Variants in SPCS3 observed in about 807,000 individuals in gnomAD.
SPCS3 encodes SPase 22 kDa subunit.
A neutral mutation model predicts 17.2 loss-of-function variants in SPCS3; 9 were observed. The observed-to-expected ratio is 0.52, with a 90% CI of 0.31 to 0.91. The LOEUF is 0.91. Ranked by LOEUF, SPCS3 falls within the 40% of genes least tolerant of loss-of-function variation. The probability of loss-of-function intolerance (pLI) is 0.04; values close to 1 mark genes in which losing one functional copy is unlikely to be tolerated. For missense variants in SPCS3, 139 were observed against 217.5 expected, an observed-to-expected ratio of 0.64 and a Z score of 2.27; for synonymous variants, 87 against 89.6, an observed-to-expected ratio of 0.97 and a Z score of 0.16.
chr4:176,323,566 T>C (rs1731565455), intron 2 of SPCS3, among the ~76,000 whole-genome samples: 1 of 152,146 alleles, frequency 6.6e-6, no homozygotes, highest in Non-Finnish European at 1.5e-5. Flanking sequence ...ATCCAAATAT[T>C]AACTCCGCTT....
At chr4:176,326,069 G>T (rs2127001499) in intron 3 of SPCS3, among the ~76,000 whole-genome samples, 1 of 152,264 alleles carries the variant, frequency 6.6e-6, no homozygotes, top group East Asian at 1.9e-4. Context: ...GGAGGCTGAG[G>T]CAGGTGGACC....
intron 3 of SPCS3, among the ~76,000 whole-genome samples, chr4:176,325,176 C>T (rs1309291550): frequency 6.6e-6 from 1 of 151,662 alleles, no homozygotes; most frequent in Non-Finnish European, 1.5e-5. Context: ...CTGCCTCAGC[C>T]TCCTGAGTAG....
chr4:176,328,077 A>T, intron 4 of SPCS3, 121 bp from the exon 5 acceptor site: 1 of 893,616 alleles, frequency 1.1e-6, no homozygotes, highest in Non-Finnish European at 1.7e-6. Flanking sequence ...TTAACATATT[A>T]GGATTTCTGT....
intron 2 of SPCS3, 31 bp downstream of exon 2, chr4:176,322,274 T>A (rs1339246822): frequency 3.5e-6 from 5 of 1,428,212 alleles, no homozygotes; most frequent in Non-Finnish European, 3.0e-6. Context: ...TCGTTGCGTT[T>A]TCTGTAGTTT....
chr4:176,328,172 C>G (rs1731633473), intron 4 of SPCS3, 26 bp from the exon 5 acceptor site: 9 of 1,605,738 alleles, frequency 5.6e-6, no homozygotes, highest in Non-Finnish European at 7.6e-6. Flanking sequence ...TCTCTGATGA[C>G]TTGTGTTTAT....
In SPCS3 at chr4:176,322,256, A is replaced by G; in HGVS notation, c.217+13A>G. 1 of 1,557,812 alleles carries G rather than the reference A, an allele frequency of 6.4e-7. No homozygotes were observed. The highest frequency in any genetic ancestry group is 2.3e-5 in the East Asian group (1 of 44,442). On this transcript the variant is annotated intron_variant, in intron 2 of 4. Coordinates refer to ENST00000503362, the MANE Select transcript of SPCS3 (RefSeq NM_021928.4). Reference sequence around the variant, plus strand: ...GATATAACTGCTGATATCCTTTAAGAAAATATTTCGTTGCGTTTTCTGTAG... The same window carrying G: ...GATATAACTGCTGATATCCTTTAAGGAAATATTTCGTTGCGTTTTCTGTAG...
chr4:176,324,836 T>C (rs2127000971), intron 3 of SPCS3, among the ~76,000 whole-genome samples: 1 of 152,206 alleles, frequency 6.6e-6, no homozygotes, highest in South Asian at 2.1e-4. Flanking sequence ...ATGGTGGAGC[T>C]CATACTTGTA....
intron 1 of SPCS3, 79 bp from the exon 2 acceptor site, chr4:176,322,091 T>C: frequency 2.2e-6 from 2 of 909,648 alleles, no homozygotes; most frequent in South Asian, 2.9e-5. Flanking sequence ...CACACACCTG[T>C]ATTCTTTCTC....
intron 3 of SPCS3, among the ~76,000 whole-genome samples, chr4:176,325,052 C>CT (rs55912158): frequency 0.15 from 17,992 of 123,812 alleles, 1,504 homozygotes; most frequent in East Asian, 0.3. Context: ...TTTTTTTTTA[C>CT]TTTTTTTTTT....
chr4:176,320,229 G>A lies in SPCS3; in HGVS notation c.143+10G>A. On this transcript the variant is annotated intron_variant, in intron 1 of 4. Transcript: ENST00000503362. ...TCTCGCGGATCATGCTGTGAGTGAG[G>A]CCGGGCCGGCGGTGCAGGACGCCGG... 1 of 1,549,846 alleles carries A rather than the reference G, an allele frequency of 6.5e-7. No individual in the cohort carries two copies. Among genetic ancestry groups the A allele is most frequent in the Non-Finnish European group, 8.7e-7 (1 of 1,148,932 alleles).
In SPCS3 at chr4:176,331,438, G is replaced by A. The variant is rs959105563; in HGVS notation, c.*3108G>A. On this transcript the variant is annotated 3_prime_UTR_variant, in exon 5 of 5. Coordinates refer to ENST00000503362, the MANE Select transcript of SPCS3 (RefSeq NM_021928.4). Reference sequence around the variant, plus strand: ...AGAGAAGCCTGTATATGTTACATGTGTGACTTTCAGTAGTTTAAAGAGATG... The same window carrying A: ...AGAGAAGCCTGTATATGTTACATGTATGACTTTCAGTAGTTTAAAGAGATG... 5 of 152,042 alleles carry A rather than the reference G, an allele frequency of 3.3e-5. No individual in the cohort carries two copies. The highest frequency in any genetic ancestry group is 1.2e-4 in the African/African-American group (5 of 41,402). 9.4% of individuals were successfully genotyped at this position (152,042 alleles called of 1,614,324 possible).
In SPCS3 at chr4:176,327,278, G is replaced by C; in HGVS notation, c.410+1G>C. ...TCTTTGACGATGGAAATGGTCTCAA[G>C]TGAGCAATTCTTGGTCATTTTTTTA... On this transcript the variant is annotated splice_donor_variant, in intron 4 of 4. Transcript: ENST00000503362. LOFTEE classifies it high-confidence loss of function. 6.6e-7 allele frequency: 1 copy of C among 1,522,760 alleles called. No individual in the cohort carries two copies. The highest frequency in any genetic ancestry group is 8.9e-7 in the Non-Finnish European group (1 of 1,129,802). The allele number at this position is 1,522,760 out of a possible 1,614,324, so 94.3% of individuals were successfully genotyped here.
chr4:176,327,005 T>C, intron 3 of SPCS3, 157 bp from the exon 4 acceptor site: 1 of 472,232 alleles, frequency 2.1e-6, no homozygotes, highest in Non-Finnish European at 3.8e-6. Flanking sequence ...TTTTTGTATC[T>C]CTCTCTTTGC....
chr4:176,320,488 C>T, intron 1 of SPCS3: 1 of 212,828 alleles, frequency 4.7e-6, no homozygotes, highest in Non-Finnish European at 9.2e-6. Flanking sequence ...GTCGGTGCCT[C>T]CGCTTGCTTC....
intron 1 of SPCS3, chr4:176,321,534 A>G (rs1426895450): frequency 1.3e-5 from 2 of 152,358 alleles, no homozygotes; most frequent in African/African-American, 4.8e-5. Flanking sequence ...GAAACCACGG[A>G]TAGCACCAAA....
chr4:176,320,964 A>T (rs79222744), intron 1 of SPCS3: 1 of 152,208 alleles, frequency 6.6e-6, no homozygotes, highest in African/African-American at 2.4e-5. Flanking sequence ...TCGAAATGAC[A>T]GTGCCATTTC....
Position 176,331,165 on chromosome 4 carries a change from C to CT in SPCS3, c.*2840dup, listed in dbSNP as rs146381813. 5.0e-3 allele frequency: 761 copies of CT among 151,982 alleles called. 6 individuals are homozygous for CT. Among genetic ancestry groups the CT allele is most frequent in the African/African-American group, 0.018 (730 of 41,446 alleles). The allele number at this position is 151,982 out of a possible 1,614,324, so 9.4% of individuals were successfully genotyped here. Reference sequence around the variant, plus strand: ...TTCATCTTAGAGATGAAAAGCTGGGCTTTTTCTCTAAGATGATAATCTTAA... The same window carrying CT: ...TTCATCTTAGAGATGAAAAGCTGGGCTTTTTTCTCTAAGATGATAATCTTAA... On this transcript the variant is annotated 3_prime_UTR_variant, in exon 5 of 5. Transcript: ENST00000503362.
intron 4 of SPCS3, among the ~76,000 whole-genome samples, chr4:176,327,572 G>A (rs145350246): frequency 0.017 from 2,644 of 152,276 alleles, 26 homozygotes; most frequent in Middle Eastern, 0.051. Flanking sequence ...AAATCAAAGG[G>A]CTCCTTTCTG....
chr4:176,329,102 T>A lies in SPCS3; in HGVS notation c.*772T>A, dbSNP rs1731649026. ...GTTAAAATGTTTGCATGGTTTACCC[T>A]CTGAGTTATGTTTCTTCTAGTGAGC... On this transcript the variant is annotated 3_prime_UTR_variant, in exon 5 of 5. Coordinates refer to ENST00000503362, the MANE Select transcript of SPCS3 (RefSeq NM_021928.4). 1 of 152,152 alleles carries A rather than the reference T, an allele frequency of 6.6e-6. No individual in the cohort carries two copies. The highest frequency in any genetic ancestry group is 6.5e-5 in the Admixed American group (1 of 15,284). The allele number at this position is 152,152 out of a possible 1,614,324, so 9.4% of individuals were successfully genotyped here.
Sources: allele counts gnomAD v4.1 joint callset (sites outside exome capture counted in the v4.1 genomes callset), GRCh38; gene constraint gnomAD v4.1.1; transcripts MANE v1.5; gene names NCBI Gene and HGNC (gene_info 2026-07-23, HGNC 2026-07-21).